Variants in WDR91 observed in about 807,000 individuals in gnomAD.
WDR91 encodes WD repeat domain 91, also known as WD repeat-containing protein 91.
A neutral mutation model predicts 88.4 loss-of-function variants in WDR91; 52 were observed. That is an observed-to-expected ratio of 0.59 (90% confidence interval 0.47 to 0.74). The LOEUF (loss-of-function observed/expected upper bound fraction) is 0.74, where lower values mean the gene tolerates loss of function less well. Ranked by LOEUF, WDR91 falls within the 30% of genes least tolerant of loss-of-function variation. The probability of loss-of-function intolerance (pLI) is 0.00; values close to 1 mark genes in which losing one functional copy is unlikely to be tolerated. For synonymous variants in WDR91, 362 were observed against 389.5 expected, an observed-to-expected ratio of 0.93 and a Z score of 0.83; for missense variants, 824 against 954.5, an observed-to-expected ratio of 0.86 and a Z score of 1.80.
intron 5 of WDR91, among the ~76,000 whole-genome samples, chr7:135,204,744 G>A (rs1330174981): frequency 6.6e-6 from 1 of 152,194 alleles, no homozygotes; most frequent in Non-Finnish European, 1.5e-5. Context: ...AAATCAAGAT[G>A]TGCTAGAGAT....
At position 135,209,870 on chromosome 7, in the gene WDR91, G is replaced by T. The variant is rs144794621; in HGVS notation, c.124-115C>A. The T allele has an allele frequency of 5.9e-4, 523 of 891,964 alleles. 2 individuals are homozygous for T. In the African/African-American group the frequency reaches 7.6e-3, roughly 13 times the overall value. 55.3% of individuals were successfully genotyped at this position (891,964 alleles called of 1,614,324 possible). A position where few individuals can be genotyped will look rare whatever the true frequency, so the allele number is the denominator to read the frequency against. The stretch of plus-strand genomic sequence containing the variant: ...TCTGGGTGTAAAAAAAAATTTGTAA[G>T]TTAGCAATCTATAAAATTTTCAAAA... On this transcript the variant is annotated intron_variant, in intron 1 of 14. Coordinates refer to ENST00000354475, the MANE Select transcript of WDR91 (RefSeq NM_014149.4).
rs1457521266 is a variant in WDR91 at position 135,198,446 on chromosome 7, GA to G, written c.892-296del. The G allele has an allele frequency of 2.4e-5, 8 of 339,442 alleles. No homozygotes were observed. The East Asian group carries it at 4.0e-4, about 17-fold the overall frequency. 21.0% of individuals were successfully genotyped at this position (339,442 alleles called of 1,614,324 possible). A position where few individuals can be genotyped will look rare whatever the true frequency, so the allele number is the denominator to read the frequency against. On this transcript the variant is annotated intron_variant, in intron 6 of 14. Transcript: ENST00000354475. ...CGGAACAATTTAGTCTAGTTGAGGG[GA>G]AGGAGCCAGCACTTACTAAGTGATG...
intron 10 of WDR91, 39 bp downstream of exon 10, chr7:135,193,539 G>A: frequency 2.5e-6 from 4 of 1,613,164 alleles, no homozygotes; most frequent in Non-Finnish European, 3.4e-6. Flanking sequence ...ACACTTGGCA[G>A]CCTGCGGCCT....
rs193162872 is a variant in WDR91, at chr7:135,209,516, A to G, written c.303+60T>C. 576 of 1,449,650 alleles carry G rather than the reference A, an allele frequency of 4.0e-4. 7 individuals carry two copies. In the Middle Eastern group the frequency reaches 0.017, roughly 42 times the overall value. 89.8% of individuals were successfully genotyped at this position (1,449,650 alleles called of 1,614,324 possible). A position where few individuals can be genotyped will look rare whatever the true frequency, so the allele number is the denominator to read the frequency against. On this transcript the variant is annotated intron_variant, in intron 2 of 14. Coordinates refer to ENST00000354475, the MANE Select transcript of WDR91 (RefSeq NM_014149.4). ...CTCCCTAGGAACTGGAAGAAAATCT[A>G]TTTTGGGATCAAAGAGCTCCTTCCA... is the stretch of plus-strand genomic sequence containing the variant.
chr7:135,189,262 G>T (rs1330956972), intron 12 of WDR91, 82 bp downstream of exon 12: 16 of 1,258,344 alleles, frequency 1.3e-5, no homozygotes, highest in Non-Finnish European at 1.8e-5. Flanking sequence ...TAGCCCAGCT[G>T]GCAAAAAAAT....
rs575483989 is a variant in WDR91 at position 135,195,343 on chromosome 7, G to A, written c.1245-259C>T. Among the ~76,000 whole-genome samples the A allele has an allele frequency of 1.5e-4, 23 of 152,358 alleles. No homozygotes were observed. In the East Asian group the frequency reaches 3.9e-3, roughly 26 times the overall value. On this transcript the variant is annotated intron_variant, in intron 8 of 14. Transcript: ENST00000354475. ...AAAGAGCCGTGAGCAAGAGTTGCAGGGCCCTGCCCTGAGGCCATTTGCAGT... is the reference window on the plus strand; with the variant it reads ...AAAGAGCCGTGAGCAAGAGTTGCAGAGCCCTGCCCTGAGGCCATTTGCAGT...
At chr7:135,204,538 G>C (rs1283553969) in intron 5 of WDR91, 105 bp from the exon 6 acceptor site, 2 of 1,296,234 alleles carry the variant, frequency 1.5e-6, no homozygotes, top group African/African-American at 3.0e-5. Context: ...ACCAGGCCTG[G>C]GTCAGGTCCA....
At chr7:135,186,356 C>G in intron 14 of WDR91, 41 bp from the exon 15 acceptor site, 1 of 1,597,840 alleles carries the variant, frequency 6.3e-7, no homozygotes, top group Non-Finnish European at 8.5e-7. Context: ...TCAGCAAACA[C>G]CAGTTACACA....
At position 135,209,769 on chromosome 7, in the gene WDR91, T is replaced by C. The variant is rs1191739830; in HGVS notation, c.124-14A>G. The C allele has an allele frequency of 1.9e-6, 3 of 1,574,056 alleles. No homozygotes were observed. The highest frequency in any genetic ancestry group is 2.3e-5 in the East Asian group (1 of 43,540). ...AATCTTATCCACCTGGCGAGAAACA[T>C]GGATGGAGAAGGTGGTAAGGGACAG... On this transcript the variant is annotated splice_polypyrimidine_tract_variant and intron_variant, in intron 1 of 14. Coordinates refer to ENST00000354475, the MANE Select transcript of WDR91 (RefSeq NM_014149.4).
intron 1 of WDR91, chr7:135,210,927 A>C: frequency 1.4e-6 from 1 of 703,638 alleles, no homozygotes; most frequent in Non-Finnish European, 2.6e-6. Flanking sequence ...ATTGCCGATG[A>C]GTCCCTGACG....
chr7:135,194,777 G>A lies in WDR91; in HGVS notation c.1395+157C>T, dbSNP rs113048091. On this transcript the variant is annotated intron_variant, in intron 9 of 14. Coordinates refer to ENST00000354475, the MANE Select transcript of WDR91 (RefSeq NM_014149.4). ...ACCTCCCTGTCTTCCCACAACAGGA[G>A]CCTTCTGGGCCAGTCCTGGATGTGT... 1.6e-3 allele frequency among the ~76,000 whole-genome samples: 248 copies of A among 152,324 alleles called. 2 individuals carry two copies. The highest frequency in any genetic ancestry group is 5.4e-3 in the African/African-American group (224 of 41,562).
At chr7:135,195,135 C>T (rs748427554) in intron 8 of WDR91, 51 bp from the exon 9 acceptor site, 124 of 1,574,374 alleles carry the variant, frequency 7.9e-5, no homozygotes, top group Middle Eastern at 4.3e-4. Context: ...AGTCCCCATC[C>T]TCTTCTGCTA....
At chr7:135,211,049 C>A (rs1831997661) in intron 1 of WDR91, 3 of 647,150 alleles carry the variant, frequency 4.6e-6, no homozygotes, top group Non-Finnish European at 8.4e-6. Context: ...GTTGCCAAAA[C>A]GCAACCATCT....
intron 6 of WDR91, chr7:135,198,901 C>T (rs1365017972): frequency 2.6e-5 from 4 of 152,172 alleles, no homozygotes; most frequent in Non-Finnish European, 5.9e-5. Context: ...AAGGAGCTGC[C>T]ACCCCCACAT....
chr7:135,201,116 T>C (rs1440219602), intron 6 of WDR91, among the ~76,000 whole-genome samples: 1 of 152,160 alleles, frequency 6.6e-6, no homozygotes, highest in Non-Finnish European at 1.5e-5. Context: ...TGTGGATGCT[T>C]TGGTGCCTTA....
At chr7:135,189,824 C>A (rs1831095064) in intron 11 of WDR91, among the ~76,000 whole-genome samples, 1 of 152,200 alleles carries the variant, frequency 6.6e-6, no homozygotes, top group Non-Finnish European at 1.5e-5. Flanking sequence ...CCTTTGATGA[C>A]AGACAACACT....
chr7:135,196,483 G>A lies in WDR91; in HGVS notation c.1051-146C>T. On this transcript the variant is annotated intron_variant, in intron 7 of 14. Coordinates refer to ENST00000354475, the MANE Select transcript of WDR91 (RefSeq NM_014149.4). The surrounding 1 kb of genome is among the most constrained non-coding windows in gnomAD (Gnocchi z 4.2). ...GGAGAGGAGAGCTCTGACCTGCGAG[G>A]GTAGTGCTCAGCTCACCCTGGGAGA... 1 of 763,052 alleles carries A rather than the reference G, an allele frequency of 1.3e-6. No individual in the cohort carries two copies. Among genetic ancestry groups the A allele is most frequent in the Non-Finnish European group, 1.9e-6 (1 of 519,856 alleles). The allele number at this position is 763,052 out of a possible 1,614,324, so 47.3% of individuals were successfully genotyped here.
At position 135,198,095 on chromosome 7, in the gene WDR91, G is replaced by C; in HGVS notation, c.948C>G (p.Ser316Arg). The change falls in exon 7 of 15, where the codon AGC becomes AGG. Residue 316 changes from serine (S) to arginine (R), a missense_variant. Coordinates refer to ENST00000354475, the MANE Select transcript of WDR91 (RefSeq NM_014149.4). Reference protein sequence around the residue: ...SGAKDGKSLLSGLATGESGWS... With the variant: ...SGAKDGKSLLRGLATGESGWS... ...AACCGGACTCCCCAGTGGCCAGCCC[G>C]CTGAGGAGGCTCTTCCCATCCTTGG... 6.2e-7 allele frequency: 1 copy of C among 1,613,902 alleles called. No homozygotes were observed. Among genetic ancestry groups the C allele is most frequent in the Non-Finnish European group, 8.5e-7 (1 of 1,179,854 alleles).
At chr7:135,193,470 G>A in intron 10 of WDR91, 71 bp from the exon 11 acceptor site, 1 of 1,610,222 alleles carries the variant, frequency 6.2e-7, no homozygotes, top group Non-Finnish European at 8.5e-7. Flanking sequence ...TGGTCCTGAG[G>A]CTGGATCCTG....
Sources: allele counts gnomAD v4.1 joint callset (sites outside exome capture counted in the v4.1 genomes callset), GRCh38; gene constraint gnomAD v4.1.1; non-coding constraint Gnocchi (gnomAD v3.1); transcripts MANE v1.5; gene names NCBI Gene and HGNC (gene_info 2026-07-23, HGNC 2026-07-21).